Variants in SGTB observed in about 807,000 individuals in gnomAD.
The protein encoded by SGTB is small glutamine-rich tetratricopeptide repeat-containing protein beta.
In SGTB, 19 loss-of-function variants were observed where a neutral mutation model predicts 43.9. The observed-to-expected ratio is 0.43, with a 90% CI of 0.30 to 0.63. The LOEUF is 0.63. Ranked by LOEUF, SGTB falls within the 30% of genes least tolerant of loss-of-function variation. The pLI is 0.12. For missense variants in SGTB, 304 were observed against 358.9 expected (o/e 0.85, Z 1.24); for synonymous variants, 116 against 117.3 (o/e 0.99, Z 0.07).
At chr5:65,683,444 G>A (rs998386957) in intron 6 of SGTB, among the ~76,000 whole-genome samples, 3 of 152,278 alleles carry the variant, frequency 2.0e-5, no homozygotes, top group South Asian at 4.1e-4. Flanking sequence ...TGCAAATAAT[G>A]AGTATCAACT....
At chr5:65,721,519 G>A (rs981914272) in intron 1 of SGTB, among the ~76,000 whole-genome samples, 1 of 152,156 alleles carries the variant, frequency 6.6e-6, no homozygotes, top group African/African-American at 2.4e-5. Flanking sequence ...AGTGGCGCAG[G>A]GCCAGGCGGC....
At chr5:65,691,577 C>T (rs973774151) in intron 5 of SGTB, among the ~76,000 whole-genome samples, 3 of 151,664 alleles carry the variant, frequency 2.0e-5, no homozygotes, top group Non-Finnish European at 4.4e-5. Flanking sequence ...ATCCACTGGC[C>T]TCGGCCTCCC....
intron 5 of SGTB, among the ~76,000 whole-genome samples, chr5:65,688,521 A>G (rs1407538140): frequency 6.6e-6 from 1 of 152,204 alleles, no homozygotes; most frequent in Non-Finnish European, 1.5e-5. Context: ...TTGAAAAGGG[A>G]ATTCAGAGAA....
chr5:65,676,809 A>T (rs960513294), intron 8 of SGTB, among the ~76,000 whole-genome samples: 2 of 152,162 alleles, frequency 1.3e-5, no homozygotes, highest in African/African-American at 4.8e-5. Context: ...TCTCAGACAC[A>T]GCTAAAATTT....
At chr5:65,689,120 ATTTC>A (rs1295201943) in intron 5 of SGTB, among the ~76,000 whole-genome samples, 1 of 152,072 alleles carries the variant, frequency 6.6e-6, no homozygotes, top group Non-Finnish European at 1.5e-5. Context: ...TTTTAATTGT[ATTTC>A]TTTGTTTAGT....
rs1275773896 is a variant in SGTB at position 65,669,717 on chromosome 5, G to A, written c.*529C>T. On this transcript the variant is annotated 3_prime_UTR_variant, in exon 11 of 11. Transcript: ENST00000381007. ...CATTAAAGATAACATTGGTTCCCAT[G>A]TTATATATTCATTACTAATAGCACT... The A allele has an allele frequency of 2.6e-5, 4 of 152,616 alleles. No individual in the cohort carries two copies. Among genetic ancestry groups the A allele is most frequent in the African/African-American group, 9.7e-5 (4 of 41,442 alleles). 9.5% of individuals were successfully genotyped at this position (152,616 alleles called of 1,614,324 possible). A position where few individuals can be genotyped will look rare whatever the true frequency, so the allele number is the denominator to read the frequency against.
At chr5:65,701,763 G>A (rs1757828889) in intron 5 of SGTB, among the ~76,000 whole-genome samples, 1 of 151,494 alleles carries the variant, frequency 6.6e-6, no homozygotes, top group Non-Finnish European at 1.5e-5. Flanking sequence ...CTCCTGAGTA[G>A]CTGGGACTAC....
Position 65,707,395 on chromosome 5 carries a change from T to C in SGTB, c.274+1094A>G, listed in dbSNP as rs961625630. 1.9e-4 allele frequency among the ~76,000 whole-genome samples: 26 copies of C among 133,690 alleles called. No homozygotes were observed. The East Asian group carries it at 5.5e-3, about 28-fold the overall frequency. The allele number at this position is 133,690 out of a possible 152,430, so 87.7% of individuals were successfully genotyped here. A position where few individuals can be genotyped will look rare whatever the true frequency, so the allele number is the denominator to read the frequency against. On this transcript the variant is annotated intron_variant, in intron 4 of 10. Transcript: ENST00000381007. The stretch of plus-strand genomic sequence containing the variant: ...CCTTTTTAGATACCAGCTGATTTTA[T>C]ACACACACACACACACACACACACA...
chr5:65,672,122 T>C, intron 9 of SGTB, 122 bp downstream of exon 9: 1 of 1,572,072 alleles, frequency 6.4e-7, no homozygotes, highest in Non-Finnish European at 8.7e-7. Context: ...TGTGTGTGGC[T>C]TTAAGCTCCA....
chr5:65,707,441 T>C (rs1757955515), intron 4 of SGTB, among the ~76,000 whole-genome samples: 1 of 121,216 alleles, frequency 8.2e-6, no homozygotes, highest in Admixed American at 8.3e-5. Flanking sequence ...CACACATATA[T>C]TTTTTTTTTT....
chr5:65,704,144 GTTTAT>G, intron 5 of SGTB, 130 bp downstream of exon 5: 1 of 537,542 alleles, frequency 1.9e-6, no homozygotes, highest in Non-Finnish European at 3.0e-6. Context: ...AGTTGGTTAA[GTTTAT>G]TTTTTCTTCC....
rs1025304577 is a variant in SGTB at position 65,683,446 on chromosome 5, G to A, written c.479+1922C>T. Among the ~76,000 whole-genome samples the A allele has an allele frequency of 3.9e-5, 6 of 152,130 alleles. No homozygotes were observed. In the East Asian group the frequency reaches 1.2e-3, roughly 29 times the overall value. Reference sequence around the variant, plus strand: ...TAAATACAGAATCTGCAAATAATGAGTATCAACTGTAGATGAATTTTAAAA... The same window carrying A: ...TAAATACAGAATCTGCAAATAATGAATATCAACTGTAGATGAATTTTAAAA... On this transcript the variant is annotated intron_variant, in intron 6 of 10. Coordinates refer to ENST00000381007, the MANE Select transcript of SGTB (RefSeq NM_019072.3).
chr5:65,672,052 G>T, intron 9 of SGTB, 54 bp from the exon 10 acceptor site: 1 of 1,597,044 alleles, frequency 6.3e-7, no homozygotes, highest in Non-Finnish European at 8.6e-7. Context: ...TTAACAAATA[G>T]GACAACTGGA....
chr5:65,722,255 A>T, upstream of SGTB: 2 of 673,716 alleles, frequency 3.0e-6, no homozygotes, highest in East Asian at 3.5e-5. Context: ...CCAGGCAGCC[A>T]CTGTGGCCTC....
At chr5:65,720,083 T>C (rs1386113330) in intron 2 of SGTB, among the ~76,000 whole-genome samples, 1 of 68,080 alleles carries the variant, frequency 1.5e-5, no homozygotes, top group Non-Finnish European at 3.4e-5. Flanking sequence ...TTCTTTTTCT[T>C]TTTTTTTTTT....
At chr5:65,681,179 G>A (rs1358083769) in intron 6 of SGTB, among the ~76,000 whole-genome samples, 1 of 152,034 alleles carries the variant, frequency 6.6e-6, no homozygotes, top group Non-Finnish European at 1.5e-5. Flanking sequence ...CATTTTTAAG[G>A]ACTCTAAACT....
At chr5:65,704,044 A>AAAAAAT (rs1491013195) in intron 5 of SGTB, among the ~76,000 whole-genome samples, 10 of 86,498 alleles carry the variant, frequency 1.2e-4, no homozygotes, top group African/African-American at 3.6e-4. Context: ...TCAAAAAAAA[A>AAAAAAT]AAAAAAAATA....
Position 65,671,939 on chromosome 5 carries a change from G to T in SGTB, c.779C>A (p.Thr260Asn), listed in dbSNP as rs992694001. The T allele has an allele frequency of 6.2e-7, 1 of 1,613,964 alleles. No homozygotes were observed. The highest frequency in any genetic ancestry group is 8.5e-7 in the Non-Finnish European group (1 of 1,179,954). Reference sequence around the variant, plus strand: ...CGCTTGGATGAGGCTTGACAGGTCAGTTAGGCCCCCAACTCCAGCAGCAGG... The same window carrying T: ...CGCTTGGATGAGGCTTGACAGGTCATTTAGGCCCCCAACTCCAGCAGCAGG... ...GGPAAGVGGL[T>N]DLSSLIQAGQ... Residue 260 changes from threonine (T) to asparagine (N), a missense_variant, in exon 10 of 11, where the codon ACT becomes AAT. By Grantham distance (65) the Thr-to-Asn change is moderately conservative. Coordinates refer to ENST00000381007, the MANE Select transcript of SGTB (RefSeq NM_019072.3).
intron 2 of SGTB, among the ~76,000 whole-genome samples, chr5:65,716,567 T>C (rs906477300): frequency 2.0e-5 from 3 of 152,156 alleles, no homozygotes; most frequent in African/African-American, 7.2e-5. Context: ...AGTTACAGGG[T>C]ATTTGAGAAA....
Sources: allele counts gnomAD v4.1 joint callset (sites outside exome capture counted in the v4.1 genomes callset), GRCh38; gene constraint gnomAD v4.1.1; transcripts MANE v1.5; gene names NCBI Gene and HGNC (gene_info 2026-07-23, HGNC 2026-07-21).